Variants in DPEP2 observed in about 807,000 individuals in gnomAD.
DPEP2 encodes dipeptidase 2.
A neutral mutation model predicts 51.8 loss-of-function variants in DPEP2; 45 were observed. That is an observed-to-expected ratio of 0.87 (90% confidence interval 0.68 to 1.11). The LOEUF (loss-of-function observed/expected upper bound fraction) is 1.11. DPEP2 is among the 50% of genes most tolerant of loss of function. The pLI is 0.00. For missense variants in DPEP2, 604 were observed against 631.9 expected, an observed-to-expected ratio of 0.96 and a Z score of 0.47; for synonymous variants, 255 against 262.7, an observed-to-expected ratio of 0.97 and a Z score of 0.28.
upstream of DPEP2, chr16:68,000,436 G>T: frequency 1.0e-6 from 1 of 985,390 alleles, no homozygotes. Context: ...GTGGGGTGCA[G>T]CTGGGGCTTA....
At chr16:67,992,821 T>C in intron 2 of DPEP2, 129 bp downstream of exon 2, 1 of 1,480,436 alleles carries the variant, frequency 6.8e-7, no homozygotes, top group Admixed American at 2.2e-5. Flanking sequence ...AGGGTACCCA[T>C]GCATGACGGG....
At chr16:67,999,936 C>A (rs1051109276), upstream of DPEP2, among the ~76,000 whole-genome samples, 5 of 152,138 alleles carry the variant, frequency 3.3e-5, no homozygotes, top group East Asian at 9.6e-4. Context: ...TCCAATGCAT[C>A]CTCCTGCCTG....
At chr16:67,994,065 A>T in intron 1 of DPEP2, 2 of 985,630 alleles carry the variant, frequency 2.0e-6, no homozygotes, top group Non-Finnish European at 2.4e-6. Context: ...ACTGCCAGGG[A>T]ACATTCACTC....
intron 1 of DPEP2, among the ~76,000 whole-genome samples, chr16:67,998,521 G>T (rs978777804): frequency 2.6e-5 from 4 of 152,210 alleles, no homozygotes; most frequent in Non-Finnish European, 5.9e-5. Flanking sequence ...CTCCTGTGCG[G>T]CCGGAGCCTC....
chr16:67,990,123 G>T lies in DPEP2; in HGVS notation c.918C>A (p.Asn306Lys). The stretch of plus-strand genomic sequence containing the variant: ...ACAAAGACACCATCACGACGCCACC[G>T]TTCTTCTTCTGCAGGGGCGGGCAAG... ...PDDILQLLKK[N>K]GGVVMVSLSM... The change falls in exon 8 of 11, where the codon AAC (asparagine) becomes AAA (lysine). Residue 306 changes from asparagine (N) to lysine (K), a missense_variant. Coordinates refer to ENST00000393847, the MANE Select transcript of DPEP2 (RefSeq NM_022355.4). 1.2e-6 allele frequency: 2 copies of T among 1,614,084 alleles called. No individual in the cohort carries two copies. Among genetic ancestry groups the T allele is most frequent in the Non-Finnish European group, 1.7e-6 (2 of 1,179,986 alleles).
chr16:67,990,941 T>C lies in DPEP2; in HGVS notation c.789A>G (p.Ser263=). The part of the protein sequence containing the change: ...LGMMVDLSHV[S]DAVARRALEV... ...CCAGGGCCCGCCGTGCCACAGCATC[T>C]GAGACATGGGATAAGTCTACCATCA... The change falls in exon 7 of 11, where the codon TCA becomes TCG. Residue 263 remains serine, a synonymous_variant. Coordinates refer to ENST00000393847, the MANE Select transcript of DPEP2 (RefSeq NM_022355.4). 6.2e-7 allele frequency: 1 copy of C among 1,614,244 alleles called. No individual in the cohort carries two copies. Among genetic ancestry groups the C allele is most frequent in the Non-Finnish European group, 8.5e-7 (1 of 1,180,046 alleles).
At chr16:67,997,807 T>C (rs1183397218) in intron 1 of DPEP2, among the ~76,000 whole-genome samples, 3 of 152,148 alleles carry the variant, frequency 2.0e-5, no homozygotes. Flanking sequence ...TGTTTGGAAG[T>C]TGAACCCAGG....
intron 7 of DPEP2, among the ~76,000 whole-genome samples, chr16:67,990,462 G>T (rs1567444135): frequency 6.6e-6 from 1 of 152,034 alleles, no homozygotes; most frequent in African/African-American, 2.4e-5. Flanking sequence ...GAGGGCTCCT[G>T]TTTTTTGTTT....
At chr16:67,995,223 T>A (rs1013222405) in intron 1 of DPEP2, among the ~76,000 whole-genome samples, 8 of 151,762 alleles carry the variant, frequency 5.3e-5, no homozygotes, top group Non-Finnish European at 7.4e-5. Flanking sequence ...TTTATTTATT[T>A]TTTTAATTAA....
Position 67,992,160 on chromosome 16 carries a change from C to T in DPEP2, c.424G>A (p.Asp142Asn), listed in dbSNP as rs142359415. 4,599 of 1,614,148 alleles carry T rather than the reference C, an allele frequency of 2.8e-3. 13 individuals are homozygous for T. Among genetic ancestry groups the T allele is most frequent in the Middle Eastern group, 0.012 (74 of 6,062 alleles). Reference protein sequence around the residue: ...WSAYVPCQTQDRDALRLTLEQ... With the variant: ...WSAYVPCQTQNRDALRLTLEQ... ...AGGGTGAGGCGCAGGGCATCCCGGTCCTGGGTCTGGCATGGCACATAGGCT... is the reference window on the plus strand; with the variant it reads ...AGGGTGAGGCGCAGGGCATCCCGGTTCTGGGTCTGGCATGGCACATAGGCT... The change falls in exon 4 of 11, where the codon GAC becomes AAC. Residue 142 changes from aspartate (D) to asparagine (N), a missense_variant. Physicochemically the swap from Asp to Asn is conservative, Grantham distance 23. Coordinates refer to ENST00000393847, the MANE Select transcript of DPEP2 (RefSeq NM_022355.4).
chr16:67,987,804 T>A (rs1437703243), intron 10 of DPEP2, 44 bp from the exon 11 acceptor site: 29 of 1,613,884 alleles, frequency 1.8e-5, no homozygotes, highest in Non-Finnish European at 2.2e-5. Flanking sequence ...CTCTCCTTGA[T>A]ACACTTGCTC....
rs760075427 is a variant in DPEP2, at chr16:67,992,661, A to G, written c.264-25T>C. The stretch of plus-strand genomic sequence containing the variant: ...GCTGGAGGGATGTCAAGCCAGGGTC[A>G]GGTGAAGAACAGACAGATGGGCCTC... On this transcript the variant is annotated intron_variant, in intron 2 of 10. Transcript: ENST00000393847. The G allele has an allele frequency of 5.0e-6, 8 of 1,608,948 alleles. No homozygotes were observed. The Admixed American group carries it at 5.0e-5, about 10-fold the overall frequency.
In DPEP2 at chr16:67,991,541, C is replaced by A. The variant is rs529897414; in HGVS notation, c.662+297G>T. 4 of 512,482 alleles carry A rather than the reference C, an allele frequency of 7.8e-6. No individual in the cohort carries two copies. The highest frequency in any genetic ancestry group is 7.6e-5 in the African/African-American group (4 of 52,660). The allele number at this position is 512,482 out of a possible 1,614,324, so 31.7% of individuals were successfully genotyped here. A position where few individuals can be genotyped will look rare whatever the true frequency, so the allele number is the denominator to read the frequency against. On this transcript the variant is annotated intron_variant, in intron 5 of 10. Coordinates refer to ENST00000393847, the MANE Select transcript of DPEP2 (RefSeq NM_022355.4). This position sits in a 1 kb window ranked among gnomAD's most constrained non-coding sequence, Gnocchi z 5.1. Reference sequence around the variant, plus strand: ...TATAGGCACGCACCACCACACCTGGCTAATTTTTGTGTTTTTCTTCAAGAT... The same window carrying A: ...TATAGGCACGCACCACCACACCTGGATAATTTTTGTGTTTTTCTTCAAGAT...
chr16:67,990,867 A>C lies in DPEP2; in HGVS notation c.863T>G (p.Val288Gly). Residue 288 changes from valine (V) to glycine (G), a missense_variant, in exon 7 of 11, where the codon GTG becomes GGG. Coordinates refer to ENST00000393847, the MANE Select transcript of DPEP2 (RefSeq NM_022355.4). The part of the protein sequence containing the change: ...VIFSHSAARG[V>G]CNSARNVPDD... ...AGGAACATTCCGAGCACTGTTGCAC[A>C]CACCCCGGGCAGCCGAGTGGGAGAA... The C allele has an allele frequency of 6.2e-7, 1 of 1,614,174 alleles. No homozygotes were observed. The highest frequency in any genetic ancestry group is 2.2e-5 in the East Asian group (1 of 44,874).
chr16:67,991,780 C>T lies in DPEP2; in HGVS notation c.662+58G>A. 6 of 1,592,972 alleles carry T rather than the reference C, an allele frequency of 3.8e-6. No individual in the cohort carries two copies. The highest frequency in any genetic ancestry group is 5.1e-6 in the Non-Finnish European group (6 of 1,167,590). On this transcript the variant is annotated intron_variant, in intron 5 of 10. Transcript: ENST00000393847. The surrounding 1 kb of genome is among the most constrained non-coding windows in gnomAD (Gnocchi z 5.1). ...AAAGCTTGTTCTGGGCCCACAGTGA[C>T]CTCAGGCAGATCTCTGCCCCTGCCT...
chr16:67,992,941 A>C lies in DPEP2; in HGVS notation c.263+9T>G. ...CAGCTCCCATCGCCCCCTTGCAGCAATTACGCACCCGTCCACGAGCGGGAA... is the reference window on the plus strand; with the variant it reads ...CAGCTCCCATCGCCCCCTTGCAGCACTTACGCACCCGTCCACGAGCGGGAA... On this transcript the variant is annotated intron_variant, in intron 2 of 10. Coordinates refer to ENST00000393847, the MANE Select transcript of DPEP2 (RefSeq NM_022355.4). The C allele has an allele frequency of 6.2e-7, 1 of 1,607,440 alleles. No individual in the cohort carries two copies. The highest frequency in any genetic ancestry group is 1.1e-5 in the South Asian group (1 of 90,550).
Position 67,993,132 on chromosome 16 carries a change from G to A in DPEP2, c.81C>T (p.Leu27=). The A allele has an allele frequency of 1.3e-6, 2 of 1,546,238 alleles. No individual in the cohort carries two copies. The highest frequency in any genetic ancestry group is 1.4e-5 in the African/African-American group (1 of 73,084). Residue 27 remains leucine (L), a synonymous_variant, in exon 2 of 11, where the codon CTC becomes CTT. Coordinates refer to ENST00000393847, the MANE Select transcript of DPEP2 (RefSeq NM_022355.4). ...LLSLLLLLLL[L]QPVTCAYTTP... is the part of the protein sequence containing the mutation. The stretch of plus-strand genomic sequence containing the variant: ...TGGTGTAGGCACAGGTTACAGGCTG[G>A]AGCAGCAGCAGCAGGAGCAGCAGAC...
intron 1 of DPEP2, among the ~76,000 whole-genome samples, chr16:67,998,879 T>C (rs1254450429): frequency 3.9e-5 from 6 of 152,164 alleles, no homozygotes; most frequent in Admixed American, 3.9e-4. Context: ...GTCGACACTC[T>C]GTATTTAGCT....
At chr16:67,993,500 C>T in intron 1 of DPEP2, 8 of 1,191,590 alleles carry the variant, frequency 6.7e-6, no homozygotes, top group Admixed American at 4.1e-5. Flanking sequence ...CGCGGCCTGT[C>T]TTAGGGCCCT....
Sources: gnomAD v4.1 joint callset for allele counts (sites outside exome capture counted in the v4.1 genomes callset) on GRCh38, gnomAD v4.1.1 for gene constraint, Gnocchi (gnomAD v3.1) non-coding constraint, MANE v1.5 for transcripts, NCBI Gene and HGNC (gene_info 2026-07-23, HGNC 2026-07-21) for gene names.